CFAP20DC: variants seen among roughly 807,000 people sequenced by gnomAD.
CFAP20DC encodes CFAP20 domain containing, also known as protein CFAP20DC.
Under a neutral mutation model 101.7 loss-of-function variants are expected in CFAP20DC, and 84 were observed. That is an observed-to-expected ratio of 0.83 (90% confidence interval 0.69 to 0.99). The LOEUF is 0.99. Ranked by LOEUF, CFAP20DC falls within the 50% of genes least tolerant of loss-of-function variation. The probability of loss-of-function intolerance (pLI) is 0.00; values close to 1 mark genes in which losing one functional copy is unlikely to be tolerated. For synonymous variants in CFAP20DC, 359 were observed against 351.2 expected (o/e 1.02, Z -0.25); for missense variants, 1,007 against 970.3 (o/e 1.04, Z -0.50).
At chr3:58,828,808 G>GA (rs376208132) in intron 14 of CFAP20DC, among the ~76,000 whole-genome samples, 2,183 of 144,112 alleles carry the variant, frequency 0.015, 34 homozygotes, top group South Asian at 0.034. Flanking sequence ...AATAAATACT[G>GA]AAAAAAAAAA....
Position 58,853,082 on chromosome 3 carries a change from G to A in CFAP20DC, c.1594-3673C>T, listed in dbSNP as rs183863196. Among the ~76,000 whole-genome samples the A allele has an allele frequency of 2.5e-3, 380 of 152,078 alleles. 4 individuals are homozygous for A. Among genetic ancestry groups the A allele is most frequent in the African/African-American group, 7.7e-3 (321 of 41,474 alleles). On this transcript the variant is annotated intron_variant, in intron 12 of 16. Coordinates refer to ENST00000482387, the MANE Select transcript of CFAP20DC (RefSeq NM_001394063.1). ...AAAGGATCAACAAAATTGATAGACC[G>A]CTAGCAAGACTAATAAAGAAGAAAA...
intron 4 of CFAP20DC, among the ~76,000 whole-genome samples, chr3:59,003,008 G>T (rs568442491): frequency 4.4e-4 from 67 of 152,222 alleles, no homozygotes; most frequent in African/African-American, 1.5e-3. Context: ...ACAGTTATAT[G>T]ATGAATCTAA....
intron 14 of CFAP20DC, among the ~76,000 whole-genome samples, chr3:58,810,049 T>A (rs1314468677): frequency 2.6e-5 from 4 of 152,116 alleles, no homozygotes; most frequent in Admixed American, 2.0e-4. Flanking sequence ...TCTGAAATTG[T>A]GGCAATAATC....
chr3:58,785,488 T>C (rs1013397805), intron 15 of CFAP20DC, among the ~76,000 whole-genome samples: 5 of 152,106 alleles, frequency 3.3e-5, no homozygotes, highest in African/African-American at 1.2e-4. Flanking sequence ...ACCCCAAATA[T>C]TCTGTCTTGG....
At chr3:58,907,719 T>C (rs1270538499) in intron 6 of CFAP20DC, among the ~76,000 whole-genome samples, 1 of 152,182 alleles carries the variant, frequency 6.6e-6, no homozygotes, top group Non-Finnish European at 1.5e-5. Context: ...CACTTTGTGT[T>C]TGCACTGGAA....
At chr3:58,879,018 A>G (rs570698534) in intron 7 of CFAP20DC, among the ~76,000 whole-genome samples, 3 of 152,084 alleles carry the variant, frequency 2.0e-5, no homozygotes, top group African/African-American at 7.2e-5. Flanking sequence ...CGAAAAAAAA[A>G]AAAAACAAAA....
intron 7 of CFAP20DC, among the ~76,000 whole-genome samples, chr3:58,879,265 A>C (rs904718975): frequency 6.6e-6 from 1 of 152,208 alleles, no homozygotes; most frequent in African/African-American, 2.4e-5. Flanking sequence ...ATCATTACAC[A>C]GTGTGTACAT....
Position 59,015,835 on chromosome 3 carries a change from C to A in CFAP20DC, c.278+23722G>T, listed in dbSNP as rs1284997446. Among the ~76,000 whole-genome samples the A allele has an allele frequency of 6.6e-6, 1 of 152,066 alleles. No homozygotes were observed. Among genetic ancestry groups the A allele is most frequent in the Admixed American group, 6.6e-5 (1 of 15,252 alleles). On this transcript the variant is annotated intron_variant, in intron 4 of 16. Coordinates refer to ENST00000482387, the MANE Select transcript of CFAP20DC (RefSeq NM_001394063.1). This position sits in a 1 kb window ranked among gnomAD's most constrained non-coding sequence, Gnocchi z 5.4. ...GAGGCTGTAGAGCTGGGGACAACAA[C>A]CTTTCTGCTGTTAAGTCTGTTTTAC...
chr3:58,778,819 T>C lies in CFAP20DC; in HGVS notation c.2238-24956A>G, dbSNP rs1392341933. ...TTCACTAAGTCTTCACTAACAAACA[T>C]ATCTTAAGCCACTGAGGAAATAACA... On this transcript the variant is annotated intron_variant, in intron 15 of 16. Transcript: ENST00000482387. Among the ~76,000 whole-genome samples the C allele has an allele frequency of 2.6e-5, 4 of 152,174 alleles. No individual in the cohort carries two copies. In the South Asian group the frequency reaches 6.2e-4, roughly 24 times the overall value.
intron 4 of CFAP20DC, among the ~76,000 whole-genome samples, chr3:58,965,690 C>T (rs548819418): frequency 6.8e-4 from 104 of 152,252 alleles, no homozygotes; most frequent in African/African-American, 2.4e-3. Context: ...CAAATGTTAT[C>T]TGTATAGCTA....
intron 13 of CFAP20DC, among the ~76,000 whole-genome samples, chr3:58,846,694 C>T (rs1474599947): frequency 6.6e-6 from 1 of 151,432 alleles, no homozygotes; most frequent in Non-Finnish European, 1.5e-5. Flanking sequence ...CAAAAAAGAG[C>T]CCGCATCGCC....
In CFAP20DC at chr3:58,774,411, G is replaced by A. The variant is rs545522546; in HGVS notation, c.2238-20548C>T. Among the ~76,000 whole-genome samples, 78 of 152,288 alleles carry A rather than the reference G, an allele frequency of 5.1e-4. 1 individual carries two copies. Among genetic ancestry groups the A allele is most frequent in the African/African-American group, 1.9e-3 (77 of 41,558 alleles). ...ATTTCTTATGATGAGGACCGTAGGC[G>A]TGAACATTTCAATTCTTCCCCTTGA... On this transcript the variant is annotated intron_variant, in intron 15 of 16. Transcript: ENST00000482387.
At chr3:58,730,880 C>T (rs1298252882) in intron 3 of CFAP20DC, among the ~76,000 whole-genome samples, 1 of 151,996 alleles carries the variant, frequency 6.6e-6, no homozygotes, top group African/African-American at 2.4e-5. Context: ...ATTTTCTCTG[C>T]TAGGGGATGT....
chr3:58,929,029 C>A (rs115440484), intron 5 of CFAP20DC, among the ~76,000 whole-genome samples: 1,606 of 152,220 alleles, frequency 0.011, 38 homozygotes, highest in African/African-American at 0.036. Flanking sequence ...ATTATAGCTC[C>A]TTTCTTTATA....
intron 5 of CFAP20DC, among the ~76,000 whole-genome samples, chr3:58,927,950 G>A (rs138211191): frequency 6.6e-6 from 1 of 152,196 alleles, no homozygotes; most frequent in Non-Finnish European, 1.5e-5. Context: ...GGAGGAATGA[G>A]AGCAAGTTTT....
At chr3:58,865,874 C>T (rs996997852) in intron 11 of CFAP20DC, among the ~76,000 whole-genome samples, 4 of 152,200 alleles carry the variant, frequency 2.6e-5, no homozygotes, top group African/African-American at 4.8e-5. Flanking sequence ...CTCACTGCCA[C>T]ATGCTTTTTA....
chr3:58,877,628 T>TTG (rs908922381), intron 7 of CFAP20DC, among the ~76,000 whole-genome samples: 13 of 151,992 alleles, frequency 8.6e-5, no homozygotes, highest in Middle Eastern at 3.4e-3. Flanking sequence ...CAATGCCTCT[T>TTG]TGTGTGTGTG....
In CFAP20DC at chr3:58,894,036, C is replaced by T. The variant is rs2082471761; in HGVS notation, c.551-9327G>A. On this transcript the variant is annotated intron_variant, in intron 6 of 16. Coordinates refer to ENST00000482387, the MANE Select transcript of CFAP20DC (RefSeq NM_001394063.1). This position sits in a 1 kb window ranked among gnomAD's most constrained non-coding sequence, Gnocchi z 4.1. ...CATCAGATCTCAAAAGACTTACTTG[C>T]TATCATGAGAACAGCATGGGAAGTA... Among the ~76,000 whole-genome samples, 4 of 152,152 alleles carry T rather than the reference C, an allele frequency of 2.6e-5. No homozygotes were observed. In the South Asian group the frequency reaches 8.3e-4, roughly 32 times the overall value.
intron 4 of CFAP20DC, among the ~76,000 whole-genome samples, chr3:58,989,077 C>A (rs1286079205): frequency 6.6e-6 from 1 of 151,992 alleles, no homozygotes; most frequent in East Asian, 1.9e-4. Context: ...AATGAAAAAT[C>A]ATGAGTAAAA....
Sources: gnomAD v4.1 joint callset for allele counts (sites outside exome capture counted in the v4.1 genomes callset) on GRCh38, gnomAD v4.1.1 for gene constraint, Gnocchi (gnomAD v3.1) non-coding constraint, MANE v1.5 for transcripts, NCBI Gene and HGNC (gene_info 2026-07-23, HGNC 2026-07-21) for gene names.